ADAMTS6: variants seen among roughly 807,000 people sequenced by gnomAD.
ADAMTS6 encodes the protein A disintegrin and metalloproteinase with thrombospondin motifs 6.
Under a neutral mutation model 144.3 loss-of-function variants are expected in ADAMTS6, and 23 were observed. The ratio of observed to expected loss-of-function variants is 0.16; its 90% CI spans 0.11 to 0.23. The LOEUF is 0.23. Ranked by LOEUF, ADAMTS6 falls within the 10% of genes least tolerant of loss-of-function variation. The probability of loss-of-function intolerance (pLI) is 1.00; values close to 1 mark genes in which losing one functional copy is unlikely to be tolerated. For missense variants in ADAMTS6, 999 were observed against 1,379.6 expected, an observed-to-expected ratio of 0.72 and a Z score of 4.37; for synonymous variants, 444 against 457.5, an observed-to-expected ratio of 0.97 and a Z score of 0.38.
At chr5:65,460,717 A>T (rs1043673786) in intron 3 of ADAMTS6, among the ~76,000 whole-genome samples, 1 of 152,208 alleles carries the variant, frequency 6.6e-6, no homozygotes, top group African/African-American at 2.4e-5. Context: ...TTGCACAATA[A>T]AAATATGGGC....
At chr5:65,393,773 G>A (rs557668839) in intron 7 of ADAMTS6, among the ~76,000 whole-genome samples, 11 of 152,248 alleles carry the variant, frequency 7.2e-5, no homozygotes, top group Non-Finnish European at 1.3e-4. Context: ...AAAATTGCGA[G>A]TTTTTCTTTT....
chr5:65,178,069 G>A (rs1323386709), intron 22 of ADAMTS6, among the ~76,000 whole-genome samples: 1 of 152,242 alleles, frequency 6.6e-6, no homozygotes, highest in East Asian at 1.9e-4. Flanking sequence ...GGGATGCAGT[G>A]AGCTTAAGAA....
intron 1 of ADAMTS6, among the ~76,000 whole-genome samples, chr5:65,479,657 C>T (rs1325749920): frequency 1.3e-5 from 2 of 152,148 alleles, no homozygotes; most frequent in Admixed American, 6.5e-5. Context: ...TCACTAAAGT[C>T]ACAAACTTGA....
intron 7 of ADAMTS6, among the ~76,000 whole-genome samples, chr5:65,450,866 T>C (rs1203844209): frequency 2.0e-5 from 3 of 152,130 alleles, no homozygotes; most frequent in Admixed American, 2.0e-4. Flanking sequence ...TCAAAACAGT[T>C]TTGTAAAACT....
intron 14 of ADAMTS6, chr5:65,251,499 A>G (rs1054111890): frequency 6.6e-6 from 1 of 152,232 alleles, no homozygotes; most frequent in South Asian, 2.1e-4. Context: ...CTGGTTTCTC[A>G]GTAGCTTCAA....
intron 18 of ADAMTS6, among the ~76,000 whole-genome samples, chr5:65,215,850 G>A (rs1756878012): frequency 6.6e-6 from 1 of 152,050 alleles, no homozygotes; most frequent in African/African-American, 2.4e-5. Flanking sequence ...ATATGGGGTG[G>A]GGACAACCTG....
chr5:65,219,765 T>A (rs1388486266), intron 18 of ADAMTS6, among the ~76,000 whole-genome samples: 1 of 152,188 alleles, frequency 6.6e-6, no homozygotes, highest in East Asian at 1.9e-4. Flanking sequence ...AAATGCTCAA[T>A]ATATCAAGAA....
In ADAMTS6 at chr5:65,460,187, G is replaced by C. The variant is rs766393767; in HGVS notation, c.614C>G (p.Ser205Cys). ...ALQQRHLYDH[S>C]HCGVSDFTRS... ...TCACTCACCCGAAACCCCACAATGA[G>C]AGTGATCATACAGATGTCGTTGTTG... is the stretch of plus-strand genomic sequence containing the variant. The change falls in exon 4 of 25, where the codon TCT becomes TGT. Residue 205 changes from serine (S) to cysteine (C), a missense_variant. Transcript: ENST00000381055. 1.2e-6 allele frequency: 2 copies of C among 1,614,006 alleles called. No homozygotes were observed. Among genetic ancestry groups the C allele is most frequent in the Admixed American group, 1.7e-5 (1 of 60,010 alleles).
At chr5:65,446,592 G>T (rs10071531) in intron 7 of ADAMTS6, among the ~76,000 whole-genome samples, 2,213 of 152,226 alleles carry the variant, frequency 0.015, 52 homozygotes, top group African/African-American at 0.051. Flanking sequence ...AGTCTTAAAA[G>T]GTGTCTTGAA....
rs115609172 is a variant in ADAMTS6, at chr5:65,476,146, T to A, written c.-279-2194A>T. 2.4e-3 allele frequency among the ~76,000 whole-genome samples: 358 copies of A among 152,328 alleles called. 1 individual carries two copies. The highest frequency in any genetic ancestry group is 8.1e-3 in the African/African-American group (336 of 41,586). ...CACATTGAAGAAACTGAGAGCAGCC[T>A]CTGATATAACTAACAAGGAACTAAG... On this transcript the variant is annotated intron_variant, in intron 1 of 24. Coordinates refer to ENST00000381055, the MANE Select transcript of ADAMTS6 (RefSeq NM_197941.4).
At chr5:65,372,061 C>G (rs1014265306) in intron 7 of ADAMTS6, among the ~76,000 whole-genome samples, 1 of 151,852 alleles carries the variant, frequency 6.6e-6, no homozygotes, top group Non-Finnish European at 1.5e-5. Context: ...ACTTTATAGA[C>G]AAGCAAATGC....
intron 10 of ADAMTS6, among the ~76,000 whole-genome samples, chr5:65,299,387 C>T (rs973086739): frequency 6.6e-6 from 1 of 152,096 alleles, no homozygotes; most frequent in Non-Finnish European, 1.5e-5. Flanking sequence ...TGTGGAAGAA[C>T]ATCTGATTTT....
intron 14 of ADAMTS6, among the ~76,000 whole-genome samples, chr5:65,253,361 T>C (rs953396547): frequency 6.6e-6 from 1 of 152,240 alleles, no homozygotes; most frequent in African/African-American, 2.4e-5. Context: ...TCCAGGATCA[T>C]TTGAACTTAT....
intron 18 of ADAMTS6, among the ~76,000 whole-genome samples, chr5:65,217,853 ATAACTGG>A (rs1263211777): frequency 6.6e-6 from 1 of 152,230 alleles, no homozygotes; most frequent in Non-Finnish European, 1.5e-5. Context: ...TCATGCTGAA[ATAACTGG>A]TATTAGAATT....
chr5:65,279,249 T>C (rs1392315523), intron 11 of ADAMTS6, among the ~76,000 whole-genome samples: 1 of 151,996 alleles, frequency 6.6e-6, no homozygotes, highest in African/African-American at 2.4e-5. Context: ...CCGACCTTTG[T>C]AGTCTTTCTT....
intron 14 of ADAMTS6, among the ~76,000 whole-genome samples, chr5:65,252,986 C>A (rs898630742): frequency 3.9e-5 from 6 of 152,076 alleles, no homozygotes; most frequent in African/African-American, 9.7e-5. Flanking sequence ...CTCCCGGGCT[C>A]AGGTGATCCT....
chr5:65,411,048 G>A (rs943717458), intron 7 of ADAMTS6, among the ~76,000 whole-genome samples: 1 of 152,082 alleles, frequency 6.6e-6, no homozygotes, highest in African/African-American at 2.4e-5. Context: ...ATGTTTCCCA[G>A]GCTGGTCTTG....
chr5:65,444,808 T>C (rs1758137278), intron 7 of ADAMTS6, among the ~76,000 whole-genome samples: 1 of 152,176 alleles, frequency 6.6e-6, no homozygotes, highest in Non-Finnish European at 1.5e-5. Flanking sequence ...TTATAACTCT[T>C]CTAAAAGGAC....
chr5:65,352,866 C>T (rs979991111), intron 7 of ADAMTS6, among the ~76,000 whole-genome samples: 5 of 151,968 alleles, frequency 3.3e-5, no homozygotes, highest in African/African-American at 1.2e-4. Context: ...AATAAATCCA[C>T]CCTACTTGTC....
Sources: gnomAD v4.1 joint callset for allele counts (sites outside exome capture counted in the v4.1 genomes callset) on GRCh38, gnomAD v4.1.1 for gene constraint, MANE v1.5 for transcripts, NCBI Gene and HGNC (gene_info 2026-07-23, HGNC 2026-07-21) for gene names.